The following TPST1 variants were observed in gnomAD, a reference collection of about 807,000 sequenced individuals.
TPST1 encodes the protein protein-tyrosine sulfotransferase 1.
TPST1 carries 20 observed loss-of-function variants against 34.8 expected under a neutral mutation model. The observed-to-expected ratio is 0.57, with a 90% CI of 0.40 to 0.84. The LOEUF is 0.84. Among genes scored for constraint, TPST1 ranks in the 40% least tolerant of loss-of-function variants. TPST1 has a pLI of 0.00. For missense variants in TPST1, 353 were observed against 455.5 expected (o/e 0.78, Z 2.05); for synonymous variants, 152 against 159.4 (o/e 0.95, Z 0.35).
chr7:66,278,509 G>A (rs969173606), intron 2 of TPST1, among the ~76,000 whole-genome samples: 2 of 152,124 alleles, frequency 1.3e-5, no homozygotes, highest in Non-Finnish European at 2.9e-5. Flanking sequence ...ATTGGGCCGG[G>A]CGCAGTGGCT....
chr7:66,285,947 C>G (rs960702446), intron 2 of TPST1, among the ~76,000 whole-genome samples: 13 of 152,152 alleles, frequency 8.5e-5, no homozygotes, highest in African/African-American at 3.1e-4. Context: ...GAAAATAGAA[C>G]AAGTGAATAT....
Position 66,224,901 on chromosome 7 carries a change from C to CTTTTTTTTTTTTTTTT in TPST1, c.-101-15408_-101-15393dup, listed in dbSNP as rs780952403. Among the ~76,000 whole-genome samples the CTTTTTTTTTTTTTTTT allele has an allele frequency of 5.9e-4, 25 of 42,408 alleles. 4 individuals carry two copies. The highest frequency in any genetic ancestry group is 1.6e-3 in the East Asian group (2 of 1,230). The allele number at this position is 42,408 out of a possible 152,430, so 27.8% of individuals were successfully genotyped here. Reference sequence around the variant, plus strand: ...AACTGAGCCTGAACATTCTGGTATTCTTTTTTTTTTTTTTTTTTTTTTTTT... The same window carrying CTTTTTTTTTTTTTTTT: ...AACTGAGCCTGAACATTCTGGTATTCTTTTTTTTTTTTTTTTTTTTTTTTTTTTTTTTTTTTTTTTT... On this transcript the variant is annotated intron_variant, in intron 1 of 5. Coordinates refer to ENST00000304842, the MANE Select transcript of TPST1 (RefSeq NM_003596.4).
intron 3 of TPST1, among the ~76,000 whole-genome samples, chr7:66,307,125 T>C (rs1409470442): frequency 1.3e-5 from 2 of 151,858 alleles, no homozygotes; most frequent in Non-Finnish European, 2.9e-5. Flanking sequence ...GAACCAAAAC[T>C]CCACTTCATT....
intron 2 of TPST1, among the ~76,000 whole-genome samples, chr7:66,259,806 A>G (rs751034080): frequency 6.6e-6 from 1 of 152,208 alleles, no homozygotes; most frequent in Non-Finnish European, 1.5e-5. Flanking sequence ...CACTCTTGGC[A>G]TTGTATATTC....
chr7:66,316,110 C>CAAAAA (rs1020760097), intron 3 of TPST1, among the ~76,000 whole-genome samples: 3 of 91,836 alleles, frequency 3.3e-5, no homozygotes, highest in African/African-American at 1.2e-4. Context: ...AACTCCATCT[C>CAAAAA]AAAAAAAAAA....
chr7:66,223,807 T>TC (rs1470981463), intron 1 of TPST1, among the ~76,000 whole-genome samples: 8 of 152,226 alleles, frequency 5.3e-5, no homozygotes, highest in African/African-American at 1.9e-4. Flanking sequence ...AACAGTGAGC[T>TC]CATAGCAGTC....
intron 1 of TPST1, among the ~76,000 whole-genome samples, chr7:66,229,726 A>G (rs1789737988): frequency 6.6e-6 from 1 of 152,200 alleles, no homozygotes; most frequent in South Asian, 2.1e-4. Flanking sequence ...AGATATATCT[A>G]TCATTGGGCA....
chr7:66,234,071 T>A (rs947602141), intron 1 of TPST1, among the ~76,000 whole-genome samples: 4 of 152,160 alleles, frequency 2.6e-5, no homozygotes, highest in African/African-American at 9.7e-5. Context: ...TTGGCCAGGC[T>A]GGTCTCAAAC....
chr7:66,240,360 C>T lies in TPST1; in HGVS notation c.-66C>T. ...TCTTTCTGAAGTAGACTGTCCATGG[C>T]CTGAACATTTTCCGAAAATCATTTT... On this transcript the variant is annotated 5_prime_UTR_variant, in exon 2 of 6. Transcript: ENST00000304842. 1.3e-6 allele frequency: 2 copies of T among 1,551,348 alleles called. No individual in the cohort carries two copies. The highest frequency in any genetic ancestry group is 1.7e-6 in the Non-Finnish European group (2 of 1,147,644).
At chr7:66,228,959 C>G (rs932632329) in intron 1 of TPST1, among the ~76,000 whole-genome samples, 1 of 152,062 alleles carries the variant, frequency 6.6e-6, no homozygotes, top group Admixed American at 6.5e-5. Flanking sequence ...AGTTCTGTGA[C>G]TTTTGATACA....
intron 2 of TPST1, among the ~76,000 whole-genome samples, chr7:66,260,727 C>T (rs1208328005): frequency 6.6e-6 from 1 of 152,116 alleles, no homozygotes; most frequent in Admixed American, 6.5e-5. Context: ...AGTTAACTTA[C>T]TTGACCAGTT....
At chr7:66,335,150 C>G (rs1197766838) in intron 3 of TPST1, among the ~76,000 whole-genome samples, 1 of 151,988 alleles carries the variant, frequency 6.6e-6, no homozygotes, top group African/African-American at 2.4e-5. Context: ...TTCCCGTGGC[C>G]CAGAAACAGC....
chr7:66,302,120 G>A (rs1443235768), intron 3 of TPST1, among the ~76,000 whole-genome samples: 1 of 152,214 alleles, frequency 6.6e-6, no homozygotes. Context: ...AAAGAGAGCA[G>A]TTCTTTCCTC....
At chr7:66,273,806 T>G (rs1182427326) in intron 2 of TPST1, among the ~76,000 whole-genome samples, 10 of 149,932 alleles carry the variant, frequency 6.7e-5, no homozygotes, top group African/African-American at 2.2e-4. Context: ...AAAAAAAAAA[T>G]TTTTTTTTTC....
At chr7:66,348,985 G>A (rs1483224135) in intron 3 of TPST1, among the ~76,000 whole-genome samples, 1 of 152,070 alleles carries the variant, frequency 6.6e-6, no homozygotes, top group East Asian at 1.9e-4. Flanking sequence ...TCAGTACTAG[G>A]AAGGTACTTA....
intron 3 of TPST1, among the ~76,000 whole-genome samples, chr7:66,301,653 C>T: frequency 6.6e-6 from 1 of 152,002 alleles, no homozygotes; most frequent in South Asian, 2.1e-4. Context: ...CAGGGAGGCC[C>T]AAGGAGAGGG....
chr7:66,332,865 A>G lies in TPST1; in HGVS notation c.1045-19640A>G, dbSNP rs116079440. On this transcript the variant is annotated intron_variant, in intron 3 of 5. Coordinates refer to ENST00000304842, the MANE Select transcript of TPST1 (RefSeq NM_003596.4). The surrounding 1 kb of genome is among the most constrained non-coding windows in gnomAD (Gnocchi z 4.5). The stretch of plus-strand genomic sequence containing the variant: ...TACACCATTTTATATAAGGCACTTG[A>G]GCACCTGTGGATTTTGTTATTCACA... Among the ~76,000 whole-genome samples the G allele has an allele frequency of 6.8e-3, 1,039 of 152,262 alleles. 14 individuals are homozygous for G. The highest frequency in any genetic ancestry group is 0.023 in the African/African-American group (973 of 41,552).
At chr7:66,287,173 AG>A (rs1791062824) in intron 3 of TPST1, among the ~76,000 whole-genome samples, 1 of 132,724 alleles carries the variant, frequency 7.5e-6, no homozygotes, top group South Asian at 2.5e-4. Flanking sequence ...GTCCCTACAA[AG>A]GATATGAACT....
At chr7:66,200,586 A>T (rs1446891888), upstream of TPST1, among the ~76,000 whole-genome samples, 1 of 151,300 alleles carries the variant, frequency 6.6e-6, no homozygotes, top group African/African-American at 2.4e-5. Flanking sequence ...CACCCGGCTA[A>T]TTTTTTTGTA....
Sources: allele counts gnomAD v4.1 joint callset (sites outside exome capture counted in the v4.1 genomes callset), GRCh38; gene constraint gnomAD v4.1.1; non-coding constraint Gnocchi (gnomAD v3.1); transcripts MANE v1.5; gene names NCBI Gene and HGNC (gene_info 2026-07-23, HGNC 2026-07-21).